The following KRT76 variants were observed in gnomAD, a reference collection of about 807,000 sequenced individuals.
KRT76 encodes keratin 76.
Under a neutral mutation model 44.9 loss-of-function variants are expected in KRT76, and 47 were observed. The observed-to-expected ratio is 1.05, with a 90% CI of 0.83 to 1.33. The LOEUF is 1.33. Ranked by LOEUF, KRT76 falls within the 40% of genes most tolerant of loss-of-function variation. KRT76 has a pLI of 0.00. For missense variants in KRT76, 860 were observed against 775.8 expected, an observed-to-expected ratio of 1.11 and a Z score of -1.29; for synonymous variants, 331 against 294.1, an observed-to-expected ratio of 1.13 and a Z score of -1.28.
chr12:52,776,289 A>G (rs1262017873), intron 1 of KRT76, among the ~76,000 whole-genome samples: 4 of 152,112 alleles, frequency 2.6e-5, no homozygotes, highest in Admixed American at 1.3e-4. Flanking sequence ...CCTCATTTAG[A>G]TGCAGCCTCA....
intron 6 of KRT76, among the ~76,000 whole-genome samples, chr12:52,771,604 G>A (rs1939182718): frequency 1.3e-5 from 2 of 152,220 alleles, no homozygotes; most frequent in African/African-American, 4.8e-5. Context: ...AGATCCTGCT[G>A]ACATCTGAGT....
At position 52,776,780 on chromosome 12, in the gene KRT76, T is replaced by G. The variant is rs777674254; in HGVS notation, c.512A>C (p.Glu171Ala). The G allele has an allele frequency of 1.1e-5, 17 of 1,614,024 alleles. No homozygotes were observed. The highest frequency in any genetic ancestry group is 1.4e-5 in the Non-Finnish European group (17 of 1,180,028). Reference protein sequence around the residue: ...NQSLLQPLNVEIDPQIGQVKA... With the variant: ...NQSLLQPLNVAIDPQIGQVKA... ...TACTTGCCCAATCTGGGGGTCGATC[T>G]CCACATTGAGGGGCTGCAGGAGACT... is the stretch of plus-strand genomic sequence containing the variant. The change falls in exon 1 of 9, where the codon GAG becomes GCG. Residue 171 changes from glutamate (E) to alanine (A), a missense_variant. Glu to Ala is a moderately radical substitution (Grantham distance 107). Transcript: ENST00000332411.
rs758613260 is a variant in KRT76 at position 52,768,729 on chromosome 12, T to C, written c.1901A>G (p.His634Arg). Residue 634 changes from histidine (H) to arginine (R), a missense_variant, in exon 9 of 9, where the codon CAT becomes CGT. His to Arg is a conservative substitution (Grantham distance 29). Coordinates refer to ENST00000332411, the MANE Select transcript of KRT76 (RefSeq NM_015848.4). ...AACAGTAGATCACTTGGTGGAGCTA[T>C]GCTGGCTTGAGCTCGTGGTCTGGGA... ...RFSQTTSSSQ[H>R]SSTK is the part of the protein sequence containing the mutation. The C allele has an allele frequency of 1.2e-5, 19 of 1,599,068 alleles. No homozygotes were observed. The Admixed American group carries it at 1.3e-4, about 11-fold the overall frequency.
At position 52,770,990 on chromosome 12, in the gene KRT76, G is replaced by C; in HGVS notation, c.1484+9C>G. 6.2e-7 allele frequency: 1 copy of C among 1,613,824 alleles called. No homozygotes were observed. Among genetic ancestry groups the C allele is most frequent in the Middle Eastern group, 1.7e-4 (1 of 6,046 alleles). On this transcript the variant is annotated intron_variant, in intron 7 of 8. Transcript: ENST00000332411. ...ATATCTGGAGAATGGTGATCCCATG[G>C]CCCCTCACCTGCACTCCTCTCCCTC...
In KRT76 at chr12:52,772,182, A is replaced by G. The variant is rs1939195305; in HGVS notation, c.1049T>C (p.Leu350Pro). 1.9e-6 allele frequency: 3 copies of G among 1,613,728 alleles called. No individual in the cohort carries two copies. Among genetic ancestry groups the G allele is most frequent in the African/African-American group, 1.3e-5 (1 of 75,028 alleles). Residue 350 changes from leucine to proline, a missense_variant, in exon 5 of 9, where the codon CTG (leucine) becomes CCG (proline). By Grantham distance (98) the Leu-to-Pro change is moderately conservative. Coordinates refer to ENST00000332411, the MANE Select transcript of KRT76 (RefSeq NM_015848.4). ...LSMDNNRCLD[L>P]GSIIAEVRAQ... ...GCGGACCTCGGCAATGATGCTGCCC[A>G]GGTCCAGGCAGCGGTTGTTGTCCAT...
chr12:52,772,076 C>T lies in KRT76; in HGVS notation c.1137+18G>A, dbSNP rs1385606726. On this transcript the variant is annotated intron_variant, in intron 5 of 8. Coordinates refer to ENST00000332411, the MANE Select transcript of KRT76 (RefSeq NM_015848.4). ...AATGAAGGTCATCAGGATCCAAGGA[C>T]ACAGGGAGGGTTCCCACCTTGGTCT... The T allele has an allele frequency of 1.1e-5, 17 of 1,606,836 alleles. No individual in the cohort carries two copies. The highest frequency in any genetic ancestry group is 1.4e-5 in the Non-Finnish European group (16 of 1,175,666).
At position 52,777,055 on chromosome 12, in the gene KRT76, T is replaced by C; in HGVS notation, c.237A>G (p.Gly79=). 1 of 1,613,946 alleles carries C rather than the reference T, an allele frequency of 6.2e-7. No individual in the cohort carries two copies. Among genetic ancestry groups the C allele is most frequent in the South Asian group, 1.1e-5 (1 of 91,070 alleles). The change falls in exon 1 of 9, where the codon GGA becomes GGG. Residue 79 remains glycine, a synonymous_variant. Transcript: ENST00000332411. ...ISVAAGSSRA[G]GFGGGRSSCG... ...AGCTGCTCCGCCCTCCCCCAAAGCC[T>C]CCAGCCCGGGAGCTGCCAGCTGCCA...
chr12:52,772,338 CA>C, intron 4 of KRT76, 80 bp from the exon 5 acceptor site: 1 of 1,381,170 alleles, frequency 7.2e-7, no homozygotes, highest in Non-Finnish European at 9.9e-7. Flanking sequence ...GGAGATATCC[CA>C]AGGATGGGGC....
rs780748209 is a variant in KRT76 at position 52,771,186 on chromosome 12, CA to C, written c.1296del (p.Glu433SerfsTer39). On this transcript the variant is annotated frameshift_variant, in exon 7 of 9. Coordinates refer to ENST00000332411, the MANE Select transcript of KRT76 (RefSeq NM_015848.4). LOFTEE classifies it high-confidence loss of function. ...NANLQTAIAE[A>X]EQRGEMALKD... is the part of the protein sequence containing the mutation. Reference sequence around the variant, plus strand: ...TTGAGGGCCATCTCTCCACGCTGCTCAGCCTCTGCAATTGCCGTCTGCAGGT... The same window carrying C: ...TTGAGGGCCATCTCTCCACGCTGCTCGCCTCTGCAATTGCCGTCTGCAGGT... The C allele has an allele frequency of 1.2e-6, 2 of 1,614,186 alleles. No individual in the cohort carries two copies. The highest frequency in any genetic ancestry group is 2.2e-5 in the South Asian group (2 of 91,082).
At chr12:52,776,570 G>C in intron 1 of KRT76, 122 bp downstream of exon 1, 1 of 1,525,270 alleles carries the variant, frequency 6.6e-7, no homozygotes, top group East Asian at 2.3e-5. Context: ...TAGGGACCAA[G>C]ACAGCACCAG....
At position 52,775,381 on chromosome 12, in the gene KRT76, C is replaced by T; in HGVS notation, c.815+7G>A. On this transcript the variant is annotated splice_region_variant and intron_variant, in intron 2 of 8. Transcript: ENST00000332411. The stretch of plus-strand genomic sequence containing the variant: ...AGAAGGGGAAACTTCCCAGGAGGAG[C>T]CCTCACTTCTTTTTGAAGTCTTCCA... 2 of 1,613,460 alleles carry T rather than the reference C, an allele frequency of 1.2e-6. No homozygotes were observed. Among genetic ancestry groups the T allele is most frequent in the Non-Finnish European group, 1.7e-6 (2 of 1,179,426 alleles).
In KRT76 at chr12:52,775,550, A is replaced by G; in HGVS notation, c.653T>C (p.Leu218Pro). 1 of 1,613,970 alleles carries G rather than the reference A, an allele frequency of 6.2e-7. No individual in the cohort carries two copies. The highest frequency in any genetic ancestry group is 1.1e-5 in the South Asian group (1 of 91,064). Residue 218 changes from leucine to proline, a missense_variant, in exon 2 of 9, where the codon CTC (leucine) becomes CCC (proline). By Grantham distance (98) the Leu-to-Pro change is moderately conservative (BLOSUM62 -3). Transcript: ENST00000332411. ...NKVLETKWEL[L>P]QQQTTGSGPS... ...CCCTGAGCCTGTGGTCTGCTGCTGG[A>G]GCAGTTCCCACTTGGTCTCCAGGAC...
chr12:52,770,920 ATCATC>A (rs1939169079), intron 7 of KRT76, 74 bp downstream of exon 7: 1 of 1,579,528 alleles, frequency 6.3e-7, no homozygotes, highest in African/African-American at 1.4e-5. Context: ...TCCTCTCCTT[ATCATC>A]TTGCCCCCTT....
At position 52,772,178 on chromosome 12, in the gene KRT76, G is replaced by A. The variant is rs146278558; in HGVS notation, c.1053C>T (p.Gly351=). The A allele has an allele frequency of 6.2e-7, 1 of 1,613,750 alleles. No homozygotes were observed. The change falls in exon 5 of 9, where the codon GGC becomes GGT. Residue 351 remains glycine, a synonymous_variant. Coordinates refer to ENST00000332411, the MANE Select transcript of KRT76 (RefSeq NM_015848.4). ...SMDNNRCLDL[G]SIIAEVRAQY... is the part of the protein sequence containing the mutation. The stretch of plus-strand genomic sequence containing the variant: ...GGGCGCGGACCTCGGCAATGATGCT[G>A]CCCAGGTCCAGGCAGCGGTTGTTGT...
intron 6 of KRT76, 37 bp from the exon 7 acceptor site, chr12:52,771,256 A>G (rs1313347792): frequency 6.3e-7 from 1 of 1,592,170 alleles, no homozygotes; most frequent in Admixed American, 1.7e-5. Context: ...TGACCCGGAA[A>G]CAAACACTTG....
intron 8 of KRT76, 65 bp from the exon 9 acceptor site, chr12:52,769,175 T>C (rs1487184046): frequency 4.7e-6 from 3 of 642,606 alleles, no homozygotes; most frequent in Non-Finnish European, 8.7e-6. Context: ...AGGACTGTAT[T>C]ACATCCCCAC....
chr12:52,775,651 T>G, intron 1 of KRT76, 49 bp from the exon 2 acceptor site: 1 of 1,458,782 alleles, frequency 6.9e-7, no homozygotes, highest in South Asian at 1.2e-5. Flanking sequence ...GTTGGGCATG[T>G]GGGGCTGCCC....
chr12:52,772,758 T>G (rs1939205771), intron 4 of KRT76, 25 bp downstream of exon 4: 1 of 1,501,332 alleles, frequency 6.7e-7, no homozygotes, highest in South Asian at 1.1e-5. Flanking sequence ...AGGAAGGTTC[T>G]GCAGCTTGCA....
intron 6 of KRT76, 25 bp from the exon 7 acceptor site, chr12:52,771,244 A>G (rs1341567267): frequency 6.2e-7 from 1 of 1,609,076 alleles, no homozygotes; most frequent in Non-Finnish European, 8.5e-7. Flanking sequence ...CAATTAGCAT[A>G]GTGACCCGGA....
Sources: allele counts gnomAD v4.1 joint callset (sites outside exome capture counted in the v4.1 genomes callset), GRCh38; gene constraint gnomAD v4.1.1; transcripts MANE v1.5; gene names NCBI Gene and HGNC (gene_info 2026-07-23, HGNC 2026-07-21).